HOOK1: variants seen among roughly 807,000 people sequenced by gnomAD.
HOOK1 encodes the protein hook microtubule tethering protein 1.
Under a neutral mutation model 112.8 loss-of-function variants are expected in HOOK1, and 60 were observed. The observed-to-expected ratio is 0.53, with a 90% CI of 0.43 to 0.66. The LOEUF (loss-of-function observed/expected upper bound fraction) is 0.66, where lower values mean the gene tolerates loss of function less well. HOOK1 is among the 30% of genes least tolerant of loss of function. The pLI, the probability that HOOK1 is intolerant of heterozygous loss-of-function variation, is 0.00. For missense variants in HOOK1, 770 were observed against 856.0 expected (o/e 0.90, Z 1.25); for synonymous variants, 294 against 283.8 (o/e 1.04, Z -0.36).
intron 7 of HOOK1, among the ~76,000 whole-genome samples, chr1:59,839,285 G>A (rs1027755687): frequency 2.0e-5 from 3 of 152,122 alleles, no homozygotes. Flanking sequence ...AAATTACCTT[G>A]GGCAGTATGG....
At chr1:59,832,046 TATA>T in intron 3 of HOOK1, 114 bp from the exon 4 acceptor site, 1 of 572,510 alleles carries the variant, frequency 1.7e-6, no homozygotes, top group Non-Finnish European at 3.1e-6. Context: ...AGAACTCTAT[TATA>T]ATGTTTTTGT....
In HOOK1 at chr1:59,843,536, G is replaced by C. The variant is rs2098402120; in HGVS notation, c.726G>C (p.Val242=). The part of the protein sequence containing the change: ...LDGSFDDPNT[V]VAKKYFHAQL... ...GCTCTTTTGATGATCCAAACACAGT[G>C]GTTGCAAAAAAGTATTTTCATGCAC... The change falls in exon 9 of 22, where the codon GTG becomes GTC. Residue 242 remains valine (V), a synonymous_variant. Coordinates refer to ENST00000371208, the MANE Select transcript of HOOK1 (RefSeq NM_015888.6). 6.2e-7 allele frequency: 1 copy of C among 1,607,364 alleles called. No homozygotes were observed. Among genetic ancestry groups the C allele is most frequent in the African/African-American group, 1.3e-5 (1 of 74,210 alleles).
intron 18 of HOOK1, 148 bp from the exon 19 acceptor site, chr1:59,865,724 A>C: frequency 2.7e-6 from 1 of 366,834 alleles, no homozygotes; most frequent in African/African-American, 2.1e-5. Context: ...ATAAGAATTC[A>C]CTACAAAGAA....
intron 1 of HOOK1, among the ~76,000 whole-genome samples, chr1:59,817,371 C>T (rs1347373384): frequency 6.6e-6 from 1 of 152,108 alleles, no homozygotes; most frequent in Non-Finnish European, 1.5e-5. Flanking sequence ...TGTTATATTA[C>T]CATTTTCTTA....
chr1:59,843,758 A>T (rs1461241110), intron 9 of HOOK1, among the ~76,000 whole-genome samples, 160 bp downstream of exon 9: 2 of 151,996 alleles, frequency 1.3e-5, no homozygotes, highest in African/African-American at 4.8e-5. Flanking sequence ...TCCTGTTATC[A>T]CAGGGCTAAC....
In HOOK1 at chr1:59,858,973, G is replaced by T; in HGVS notation, c.1331-12G>T. On this transcript the variant is annotated splice_polypyrimidine_tract_variant and intron_variant, in intron 13 of 21. Transcript: ENST00000371208. The stretch of plus-strand genomic sequence containing the variant: ...ATACTGAAATGCTAATTTATTTTTT[G>T]TTATTTTTTAGATGCATCTGCTACA... The T allele has an allele frequency of 6.6e-7, 1 of 1,507,562 alleles. No individual in the cohort carries two copies. Among genetic ancestry groups the T allele is most frequent in the Non-Finnish European group, 9.2e-7 (1 of 1,087,030 alleles). 93.4% of individuals were successfully genotyped at this position (1,507,562 alleles called of 1,614,324 possible).
intron 10 of HOOK1, among the ~76,000 whole-genome samples, chr1:59,847,696 T>C (rs2098404787): frequency 6.6e-6 from 1 of 151,680 alleles, no homozygotes; most frequent in African/African-American, 2.4e-5. Context: ...ACGTGATCTT[T>C]ATTTTTTTTG....
intron 1 of HOOK1, among the ~76,000 whole-genome samples, chr1:59,815,773 G>A (rs990900522): frequency 2.6e-5 from 4 of 152,068 alleles, no homozygotes; most frequent in African/African-American, 9.7e-5. Context: ...AAAAAGATGT[G>A]TTGGGAGTCG....
At chr1:59,853,088 A>G (rs1161913442) in intron 12 of HOOK1, among the ~76,000 whole-genome samples, 2 of 152,004 alleles carry the variant, frequency 1.3e-5, no homozygotes, top group African/African-American at 4.8e-5. Flanking sequence ...TTTTTAAAAA[A>G]TGTGTATTCT....
At chr1:59,855,902 T>A (rs1439660478) in intron 12 of HOOK1, among the ~76,000 whole-genome samples, 1 of 144,154 alleles carries the variant, frequency 6.9e-6, no homozygotes, top group African/African-American at 2.6e-5. Context: ...GTCTCCCTAG[T>A]AGTTGGGACT....
Position 59,873,354 on chromosome 1 carries a change from T to G in HOOK1, c.*389T>G, listed in dbSNP as rs1644087441. 1 of 154,128 alleles carries G rather than the reference T, an allele frequency of 6.5e-6. No homozygotes were observed. Among genetic ancestry groups the G allele is most frequent in the African/African-American group, 2.4e-5 (1 of 41,522 alleles). 9.5% of individuals were successfully genotyped at this position (154,128 alleles called of 1,614,324 possible). A position where few individuals can be genotyped will look rare whatever the true frequency, so the allele number is the denominator to read the frequency against. ...ATCTTAGAACATTAATTGGATTTGT[T>G]TAATCTTTTTTTGTTTTTTGTTGAT... On this transcript the variant is annotated 3_prime_UTR_variant, in exon 22 of 22. Transcript: ENST00000371208.
At chr1:59,837,475 G>A (rs1050725570) in intron 7 of HOOK1, among the ~76,000 whole-genome samples, 11 of 152,108 alleles carry the variant, frequency 7.2e-5, no homozygotes, top group East Asian at 3.9e-4. Context: ...TATGAGTGTC[G>A]CCAGTCATCT....
chr1:59,829,289 T>C (rs1206555575), intron 3 of HOOK1, among the ~76,000 whole-genome samples: 2 of 152,146 alleles, frequency 1.3e-5, no homozygotes, highest in Non-Finnish European at 2.9e-5. Context: ...TTTTGTGGTT[T>C]GTTTAGCTAT....
At chr1:59,818,619 AC>A (rs1305205491) in intron 1 of HOOK1, among the ~76,000 whole-genome samples, 1 of 152,216 alleles carries the variant, frequency 6.6e-6, no homozygotes, top group Non-Finnish European at 1.5e-5. Context: ...ATATCTTTGG[AC>A]CTTACTTTCA....
At chr1:59,870,884 C>G in intron 20 of HOOK1, 158 bp from the exon 21 acceptor site, 2 of 571,440 alleles carry the variant, frequency 3.5e-6, no homozygotes, top group Non-Finnish European at 6.3e-6. Flanking sequence ...GTTGGGCATG[C>G]ATTTGTGCTT....
intron 20 of HOOK1, among the ~76,000 whole-genome samples, chr1:59,869,634 CA>C (rs1250090973): frequency 6.6e-6 from 1 of 152,116 alleles, no homozygotes; most frequent in African/African-American, 2.4e-5. Flanking sequence ...AAGACTTTAA[CA>C]CCCCCTCCTC....
Position 59,871,169 on chromosome 1 carries a change from G to T in HOOK1, c.2016+59G>T. The T allele has an allele frequency of 3.6e-6, 4 of 1,098,146 alleles. No individual in the cohort carries two copies. The South Asian group carries it at 5.3e-5, about 15-fold the overall frequency. 68.0% of individuals were successfully genotyped at this position (1,098,146 alleles called of 1,614,324 possible). On this transcript the variant is annotated intron_variant, in intron 21 of 21. Coordinates refer to ENST00000371208, the MANE Select transcript of HOOK1 (RefSeq NM_015888.6). Reference sequence around the variant, plus strand: ...ACGGTGTTTAAGCAAACTTTTTTTTGACCAAGTACAACATAAGAAAATATA... The same window carrying T: ...ACGGTGTTTAAGCAAACTTTTTTTTTACCAAGTACAACATAAGAAAATATA...
At chr1:59,842,810 T>A (rs2098401681) in intron 8 of HOOK1, among the ~76,000 whole-genome samples, 1 of 152,082 alleles carries the variant, frequency 6.6e-6, no homozygotes, top group South Asian at 2.1e-4. Flanking sequence ...CATGCATGTT[T>A]TAAAAATATG....
intron 2 of HOOK1, among the ~76,000 whole-genome samples, chr1:59,825,222 C>T (rs2098388979): frequency 6.6e-6 from 1 of 152,198 alleles, no homozygotes; most frequent in Non-Finnish European, 1.5e-5. Flanking sequence ...ATTTCAATCA[C>T]ACTCACAGGG....
Sources: gnomAD v4.1 joint callset for allele counts (sites outside exome capture counted in the v4.1 genomes callset) on GRCh38, gnomAD v4.1.1 for gene constraint, MANE v1.5 for transcripts, NCBI Gene and HGNC (gene_info 2026-07-23, HGNC 2026-07-21) for gene names.